Variants in KCNH1 observed in about 807,000 individuals in gnomAD.
KCNH1 encodes potassium voltage-gated channel subfamily H member 1, also known as voltage-gated delayed rectifier potassium channel KCNH1.
In KCNH1, 27 loss-of-function variants were observed where a neutral mutation model predicts 69.2. That is an observed-to-expected ratio of 0.39 (90% CI 0.29 to 0.54). The LOEUF is 0.54. Among genes scored for constraint, KCNH1 ranks in the 20% least tolerant of loss-of-function variants. KCNH1 has a pLI of 0.68. For synonymous variants in KCNH1, 456 were observed against 487.7 expected (o/e 0.93, Z 0.86); for missense variants, 798 against 1,261.6 (o/e 0.63, Z 5.57).
At chr1:211,100,229 C>T (rs1270111688) in intron 3 of KCNH1, among the ~76,000 whole-genome samples, 1 of 152,100 alleles carries the variant, frequency 6.6e-6, no homozygotes, top group Non-Finnish European at 1.5e-5. Context: ...CAACACCCCT[C>T]ACCTCCACCG....
At chr1:210,699,515 A>C (rs1178499490) in intron 10 of KCNH1, among the ~76,000 whole-genome samples, 1 of 152,216 alleles carries the variant, frequency 6.6e-6, no homozygotes, top group Middle Eastern at 3.2e-3. Context: ...AGGTAGGTGG[A>C]TCCCCAGGCA....
At chr1:211,082,934 C>A in intron 4 of KCNH1, 36 bp from the exon 5 acceptor site, 2 of 1,546,138 alleles carry the variant, frequency 1.3e-6, no homozygotes, top group South Asian at 1.1e-5. Flanking sequence ...ACAGGGTCAA[C>A]CACATCCCAA....
chr1:210,998,238 C>T (rs1689092825), intron 6 of KCNH1, among the ~76,000 whole-genome samples: 1 of 152,132 alleles, frequency 6.6e-6, no homozygotes, highest in Non-Finnish European at 1.5e-5. Flanking sequence ...AGAGTCAAGA[C>T]CTATCAGTGT....
chr1:210,781,002 G>A (rs1199956430), intron 9 of KCNH1, among the ~76,000 whole-genome samples: 3 of 152,078 alleles, frequency 2.0e-5, no homozygotes, highest in South Asian at 2.1e-4. Context: ...AGCCGAGATC[G>A]CACCACTGCA....
chr1:210,935,842 C>T (rs1179452578), intron 6 of KCNH1, among the ~76,000 whole-genome samples: 3 of 152,180 alleles, frequency 2.0e-5, no homozygotes, highest in Admixed American at 1.3e-4. Flanking sequence ...TCTCAGTAAA[C>T]TCTGTTGTAG....
At chr1:211,042,132 G>A (rs1385343280) in intron 5 of KCNH1, among the ~76,000 whole-genome samples, 1 of 152,026 alleles carries the variant, frequency 6.6e-6, no homozygotes, top group Admixed American at 6.6e-5. Flanking sequence ...TTTCCATGTG[G>A]GTGAATTCTT....
intron 6 of KCNH1, among the ~76,000 whole-genome samples, chr1:210,956,248 G>A (rs1688174535): frequency 6.6e-6 from 1 of 152,172 alleles, no homozygotes; most frequent in Non-Finnish European, 1.5e-5. Context: ...TCCCAGGGAT[G>A]AAGCCAACTT....
chr1:210,859,303 T>A (rs1685922997), intron 7 of KCNH1: 1 of 1,546,454 alleles, frequency 6.5e-7, no homozygotes. Context: ...TGGCCAGAGT[T>A]ACTGTGTCTG....
chr1:210,962,347 C>T (rs1383857160), intron 6 of KCNH1, among the ~76,000 whole-genome samples: 1 of 152,070 alleles, frequency 6.6e-6, no homozygotes, highest in Non-Finnish European at 1.5e-5. Flanking sequence ...TTTTTCATTG[C>T]TTCAGGAGGA....
intron 7 of KCNH1, among the ~76,000 whole-genome samples, chr1:210,857,180 G>A (rs1685868726): frequency 2.0e-5 from 3 of 151,842 alleles, no homozygotes; most frequent in Admixed American, 1.3e-4. Context: ...AGGTCAACAG[G>A]TTACTGTTCA....
At chr1:210,812,513 C>T (rs78170084) in intron 7 of KCNH1, among the ~76,000 whole-genome samples, 8,489 of 152,182 alleles carry the variant, frequency 0.056, 501 homozygotes, top group East Asian at 0.14. Flanking sequence ...CTTAATATGT[C>T]TTTTTTGCCA....
intron 7 of KCNH1, among the ~76,000 whole-genome samples, chr1:210,829,612 C>T (rs1685115694): frequency 1.3e-5 from 2 of 152,166 alleles, no homozygotes; most frequent in Admixed American, 1.3e-4. Flanking sequence ...TACCTAAAGA[C>T]ATCATCCTGC....
At position 210,774,543 on chromosome 1, in the gene KCNH1, A is replaced by G. The variant is rs1424856499; in HGVS notation, c.2112+805T>C. Among the ~76,000 whole-genome samples, 3 of 152,160 alleles carry G rather than the reference A, an allele frequency of 2.0e-5. No homozygotes were observed. The East Asian group carries it at 5.8e-4, about 29-fold the overall frequency. ...CGTGAGACAGTGAGCAGGTTGGGAG[A>G]AAGATTATGAGGTCATTTTAGGAAA... On this transcript the variant is annotated intron_variant, in intron 10 of 10. Coordinates refer to ENST00000271751, the MANE Select transcript of KCNH1 (RefSeq NM_172362.3).
In KCNH1 at chr1:211,115,703, ATATATATATATATG is replaced by A. The variant is rs1231135564; in HGVS notation, c.80-8340_80-8327del. ...AAGTTAATACTTAATAAACTCCCCT[ATATATATATATATG>A]TATATATATATATACACACACACAC... On this transcript the variant is annotated intron_variant, in intron 1 of 10. Coordinates refer to ENST00000271751, the MANE Select transcript of KCNH1 (RefSeq NM_172362.3). Among the ~76,000 whole-genome samples, 6 of 77,836 alleles carry A rather than the reference ATATATATATATATG, an allele frequency of 7.7e-5. 2 individuals are homozygous for A. The highest frequency in any genetic ancestry group is 1.2e-4 in the Admixed American group (1 of 8,038). 51.1% of individuals were successfully genotyped at this position (77,836 alleles called of 152,430 possible). A position where few individuals can be genotyped will look rare whatever the true frequency, so the allele number is the denominator to read the frequency against.
chr1:211,127,580 G>C (rs772658930), intron 1 of KCNH1, among the ~76,000 whole-genome samples: 5 of 152,136 alleles, frequency 3.3e-5, no homozygotes, highest in African/African-American at 4.8e-5. Context: ...CCTCCCAAAG[G>C]GCAAGAGCAA....
chr1:211,106,531 T>A (rs1490839828), intron 2 of KCNH1, among the ~76,000 whole-genome samples: 1 of 151,622 alleles, frequency 6.6e-6, no homozygotes, highest in African/African-American at 2.4e-5. Flanking sequence ...ACGCCTATAA[T>A]CCAGCACTTT....
intron 6 of KCNH1, among the ~76,000 whole-genome samples, chr1:210,935,745 T>C (rs1687765259): frequency 6.6e-6 from 1 of 152,196 alleles, no homozygotes; most frequent in South Asian, 2.1e-4. Flanking sequence ...GTTGGATCAA[T>C]ATGGATGAAG....
chr1:211,067,504 G>T (rs1420435605), intron 5 of KCNH1, among the ~76,000 whole-genome samples: 1 of 152,178 alleles, frequency 6.6e-6, no homozygotes, highest in African/African-American at 2.4e-5. Flanking sequence ...CTGCCCTGTG[G>T]CCTGATACTA....
intron 5 of KCNH1, among the ~76,000 whole-genome samples, chr1:211,051,794 C>A (rs1571608974): frequency 6.6e-6 from 1 of 152,288 alleles, no homozygotes. Context: ...TCACAACAAT[C>A]TCTTAGGATA....
Sources: gnomAD v4.1 joint callset for allele counts (sites outside exome capture counted in the v4.1 genomes callset) on GRCh38, gnomAD v4.1.1 for gene constraint, MANE v1.5 for transcripts, NCBI Gene and HGNC (gene_info 2026-07-23, HGNC 2026-07-21) for gene names.